ERICH3: variants seen among roughly 807,000 people sequenced by gnomAD.
ERICH3 encodes glutamate-rich protein 3.
ERICH3 carries 126 observed loss-of-function variants against 131.1 expected under a neutral mutation model. That is an observed-to-expected ratio of 0.96 (90% confidence interval 0.83 to 1.11). ERICH3 has a LOEUF of 1.11. Ranked by LOEUF, ERICH3 falls within the 50% of genes most tolerant of loss-of-function variation. The pLI is 0.00. For synonymous variants in ERICH3, 695 were observed against 644.6 expected, an observed-to-expected ratio of 1.08 and a Z score of -1.18; for missense variants, 2,050 against 1,810.7, an observed-to-expected ratio of 1.13 and a Z score of -2.40.
intron 5 of ERICH3, among the ~76,000 whole-genome samples, chr1:74,640,158 T>C (rs1240029312): frequency 2.0e-5 from 3 of 152,092 alleles, no homozygotes; most frequent in Admixed American, 6.6e-5. Flanking sequence ...AGCTGGAAAA[T>C]TGAAAAGAAA....
intron 12 of ERICH3, among the ~76,000 whole-genome samples, chr1:74,581,051 T>C (rs79962073): frequency 1.7e-3 from 259 of 152,334 alleles, no homozygotes; most frequent in African/African-American, 6.1e-3. Context: ...AGTCGTATGT[T>C]ATTTCTGTTA....
chr1:74,639,973 A>G (rs1347227333), intron 5 of ERICH3, among the ~76,000 whole-genome samples: 1 of 152,190 alleles, frequency 6.6e-6, no homozygotes, highest in Non-Finnish European at 1.5e-5. Context: ...CACAATAGGT[A>G]TCCCTTACGG....
At chr1:74,660,950 G>T (rs1646636242) in intron 1 of ERICH3, among the ~76,000 whole-genome samples, 1 of 151,736 alleles carries the variant, frequency 6.6e-6, no homozygotes, top group Admixed American at 6.6e-5. Context: ...ATGGGAAAAT[G>T]TTCAGAAATG....
chr1:74,629,970 C>A (rs1440816471), intron 7 of ERICH3, among the ~76,000 whole-genome samples: 1 of 151,958 alleles, frequency 6.6e-6, no homozygotes, highest in Non-Finnish European at 1.5e-5. Context: ...TGATAGAGTT[C>A]ATCGTGAAGG....
At chr1:74,610,895 C>A (rs756941884) in intron 9 of ERICH3, among the ~76,000 whole-genome samples, 1 of 151,998 alleles carries the variant, frequency 6.6e-6, no homozygotes, top group Non-Finnish European at 1.5e-5. Context: ...CTTAATCATG[C>A]CCTTATTCCT....
At chr1:74,673,437 G>C in intron 1 of ERICH3, 60 bp downstream of exon 1, 1 of 1,600,286 alleles carries the variant, frequency 6.2e-7, no homozygotes, top group South Asian at 1.1e-5. Context: ...GGGAGGAGGA[G>C]GGGCAGCTGG....
chr1:74,613,735 G>A (rs184803270), intron 8 of ERICH3, among the ~76,000 whole-genome samples: 153 of 152,232 alleles, frequency 1.0e-3, no homozygotes, highest in African/African-American at 3.4e-3. Context: ...TCTTTATAAT[G>A]TTATTTGCAA....
At position 74,643,041 on chromosome 1, in the gene ERICH3, T is replaced by A; in HGVS notation, c.301A>T (p.Ile101Phe). The A allele has an allele frequency of 3.7e-6, 6 of 1,609,928 alleles. No individual in the cohort carries two copies. Among genetic ancestry groups the A allele is most frequent in the Non-Finnish European group, 5.1e-6 (6 of 1,177,264 alleles). The change falls in exon 4 of 15, where the codon ATC becomes TTC. Residue 101 changes from isoleucine (I) to phenylalanine (F), a missense_variant. Transcript: ENST00000326665. ...TAACTCCTTACCTTAAACCTCTGGA[T>A]TCGCTCCTTCCTAGCTAAGGTCTCC... ...KLETLARKER[I>F]QRFKGEHTRR...
intron 1 of ERICH3, among the ~76,000 whole-genome samples, chr1:74,654,080 A>G (rs1646561365): frequency 6.6e-6 from 1 of 152,164 alleles, no homozygotes. Flanking sequence ...AAACCTCATT[A>G]AAATGACCTT....
intron 1 of ERICH3, among the ~76,000 whole-genome samples, chr1:74,655,048 C>A (rs543598915): frequency 6.6e-6 from 1 of 152,216 alleles, no homozygotes; most frequent in South Asian, 2.1e-4. Flanking sequence ...AAATACATAA[C>A]TTTCCTTCAT....
intron 5 of ERICH3, among the ~76,000 whole-genome samples, chr1:74,639,756 C>T (rs1646421445): frequency 6.6e-6 from 1 of 152,076 alleles, no homozygotes; most frequent in African/African-American, 2.4e-5. Flanking sequence ...TTACCAAGGG[C>T]ACTAACATTG....
chr1:74,574,720 G>T lies in ERICH3; in HGVS notation c.2219-1229C>A, dbSNP rs1018065695. On this transcript the variant is annotated intron_variant, in intron 13 of 14. Coordinates refer to ENST00000326665, the MANE Select transcript of ERICH3 (RefSeq NM_001002912.5). The stretch of plus-strand genomic sequence containing the variant: ...TTCATAGTTCAATAAATATAGGTTT[G>T]ATATGTTTTTAATGGAACAAAGTGG... Among the ~76,000 whole-genome samples the T allele has an allele frequency of 2.6e-5, 4 of 152,102 alleles. No homozygotes were observed. In the East Asian group the frequency reaches 7.7e-4, roughly 29 times the overall value.
At chr1:74,641,631 T>A (rs1342572930) in intron 4 of ERICH3, among the ~76,000 whole-genome samples, 172 bp from the exon 5 acceptor site, 1 of 152,098 alleles carries the variant, frequency 6.6e-6, no homozygotes, top group Non-Finnish European at 1.5e-5. Flanking sequence ...TGAGTCGGCT[T>A]TAGTTGTGCT....
Position 74,656,151 on chromosome 1 carries a change from G to A in ERICH3, c.24-6836C>T, listed in dbSNP as rs576351830. ...GGGTTTCCTAGAAAGAAACTGGCCC[G>A]GGCTGTGAACCAAATTTCCTAAAAT... On this transcript the variant is annotated intron_variant, in intron 1 of 14. Coordinates refer to ENST00000326665, the MANE Select transcript of ERICH3 (RefSeq NM_001002912.5). Among the ~76,000 whole-genome samples, 13 of 152,204 alleles carry A rather than the reference G, an allele frequency of 8.5e-5. 1 individual carries two copies. The highest frequency in any genetic ancestry group is 2.1e-4 in the South Asian group (1 of 4,820).
intron 1 of ERICH3, among the ~76,000 whole-genome samples, chr1:74,660,594 T>G (rs1646631686): frequency 1.1e-5 from 1 of 87,200 alleles, no homozygotes; most frequent in Admixed American, 1.3e-4. Context: ...GACACACAAG[T>G]GTATATATAT....
At chr1:74,586,393 C>T in intron 12 of ERICH3, 3 of 978,902 alleles carry the variant, frequency 3.1e-6, no homozygotes, top group Non-Finnish European at 3.6e-6. Context: ...CCTATAATTT[C>T]TGTAATCATG....
chr1:74,625,656 A>T (rs1649390177), intron 7 of ERICH3: 1 of 152,152 alleles, frequency 6.6e-6, no homozygotes, highest in Admixed American at 6.6e-5. Flanking sequence ...TGAGAGAAAC[A>T]GTTTAGTCTT....
chr1:74,666,402 T>C (rs1184236701), intron 1 of ERICH3, among the ~76,000 whole-genome samples: 3 of 152,194 alleles, frequency 2.0e-5, no homozygotes, highest in Admixed American at 6.5e-5. Flanking sequence ...GCAATGATTT[T>C]ACAATTGTCA....
chr1:74,665,630 G>A (rs1646684633), intron 1 of ERICH3, among the ~76,000 whole-genome samples: 1 of 152,194 alleles, frequency 6.6e-6, no homozygotes, highest in Non-Finnish European at 1.5e-5. Flanking sequence ...TGAGGGCCAT[G>A]AGAGAAGAGT....
Sources: allele counts gnomAD v4.1 joint callset (sites outside exome capture counted in the v4.1 genomes callset), GRCh38; gene constraint gnomAD v4.1.1; transcripts MANE v1.5; gene names NCBI Gene and HGNC (gene_info 2026-07-23, HGNC 2026-07-21).